Variants in GRM8 observed in about 807,000 individuals in gnomAD.
GRM8 encodes the protein glutamate metabotropic receptor 8.
Under a neutral mutation model 87.2 loss-of-function variants are expected in GRM8, and 47 were observed. That is an observed-to-expected ratio of 0.54 (90% confidence interval 0.43 to 0.69). GRM8 has a LOEUF of 0.69. Ranked by LOEUF, GRM8 falls within the 30% of genes least tolerant of loss-of-function variation. The pLI, the probability that GRM8 is intolerant of heterozygous loss-of-function variation, is 0.00. For synonymous variants in GRM8, 396 were observed against 404.5 expected (o/e 0.98, Z 0.25); for missense variants, 1,019 against 1,139.2 (o/e 0.89, Z 1.52).
chr7:127,135,026 A>T (rs1487429064), intron 2 of GRM8, among the ~76,000 whole-genome samples: 1 of 152,156 alleles, frequency 6.6e-6, no homozygotes, highest in Non-Finnish European at 1.5e-5. Flanking sequence ...CTAAAAAATG[A>T]TGTGTTAAAT....
chr7:126,607,602 A>G (rs1241359856), intron 8 of GRM8, among the ~76,000 whole-genome samples: 3 of 152,216 alleles, frequency 2.0e-5, no homozygotes, highest in Admixed American at 2.0e-4. Context: ...AGAGTGAATT[A>G]CACATTAAAA....
chr7:126,949,329 C>T (rs1231386575), intron 3 of GRM8, among the ~76,000 whole-genome samples: 1 of 152,106 alleles, frequency 6.6e-6, no homozygotes, highest in East Asian at 1.9e-4. Context: ...AAGGCCTCTT[C>T]CCTGATCCAC....
At chr7:127,092,774 C>G (rs1824273804) in intron 3 of GRM8, among the ~76,000 whole-genome samples, 1 of 152,166 alleles carries the variant, frequency 6.6e-6, no homozygotes, top group Admixed American at 6.5e-5. Context: ...TGCACGGATT[C>G]CAGGCTGTGA....
intron 6 of GRM8, among the ~76,000 whole-genome samples, chr7:126,791,889 C>A (rs924727678): frequency 6.6e-6 from 1 of 152,194 alleles, no homozygotes; most frequent in Non-Finnish European, 1.5e-5. Context: ...GAGACAGATA[C>A]ACCAAACAGG....
At chr7:127,018,569 C>G (rs1054908017) in intron 3 of GRM8, among the ~76,000 whole-genome samples, 1 of 151,844 alleles carries the variant, frequency 6.6e-6, no homozygotes, top group African/African-American at 2.4e-5. Context: ...ACTAACAGAA[C>G]CCCACATTTT....
chr7:126,980,356 T>C lies in GRM8; in HGVS notation c.728-75673A>G, dbSNP rs148136784. ...AGCTATGAATTTCAGTATTAGTTTG[T>C]ATCATTTTTAGCTTCATGGTAACAA... is the stretch of plus-strand genomic sequence containing the variant. On this transcript the variant is annotated intron_variant, in intron 3 of 10. Transcript: ENST00000339582. 1.8e-3 allele frequency among the ~76,000 whole-genome samples: 271 copies of C among 152,350 alleles called. 1 individual carries two copies. The highest frequency in any genetic ancestry group is 6.2e-3 in the African/African-American group (259 of 41,582).
intron 2 of GRM8, among the ~76,000 whole-genome samples, chr7:127,124,636 C>G (rs1827261810): frequency 6.6e-6 from 1 of 152,136 alleles, no homozygotes; most frequent in Non-Finnish European, 1.5e-5. Flanking sequence ...TCAACTCAGA[C>G]TTCTCTAAAA....
At chr7:126,590,062 C>A (rs573091327) in intron 8 of GRM8, among the ~76,000 whole-genome samples, 1 of 151,308 alleles carries the variant, frequency 6.6e-6, no homozygotes, top group East Asian at 2.0e-4. Flanking sequence ...ATTCAGAAGG[C>A]CAATTATTAA....
At chr7:126,445,792 A>C (rs1801950953) in intron 10 of GRM8, among the ~76,000 whole-genome samples, 1 of 152,074 alleles carries the variant, frequency 6.6e-6, no homozygotes. Flanking sequence ...GAACAAGAAA[A>C]ATTGTGGAAT....
intron 3 of GRM8, among the ~76,000 whole-genome samples, chr7:126,936,158 T>C (rs1806294593): frequency 6.6e-6 from 1 of 152,194 alleles, no homozygotes; most frequent in Non-Finnish European, 1.5e-5. Context: ...TAAAGTATAA[T>C]GTGGTTGGCT....
intron 8 of GRM8, among the ~76,000 whole-genome samples, chr7:126,537,705 AG>A (rs143761562): frequency 6.1e-4 from 93 of 152,174 alleles, no homozygotes; most frequent in Non-Finnish European, 1.0e-3. Context: ...TGAACCCGGG[AG>A]GCGGAGCTTG....
At chr7:126,560,093 C>T (rs1457803566) in intron 8 of GRM8, among the ~76,000 whole-genome samples, 2 of 152,190 alleles carry the variant, frequency 1.3e-5, no homozygotes, top group African/African-American at 4.8e-5. Context: ...ACAACCTGTG[C>T]TGCCTTTGCT....
intron 2 of GRM8, among the ~76,000 whole-genome samples, chr7:127,167,423 G>T (rs572974233): frequency 6.6e-6 from 1 of 152,066 alleles, no homozygotes; most frequent in Admixed American, 6.6e-5. Flanking sequence ...ACAGGCATAC[G>T]TTTTATTGCA....
At chr7:126,859,268 G>C (rs937624268) in intron 6 of GRM8, among the ~76,000 whole-genome samples, 3 of 152,182 alleles carry the variant, frequency 2.0e-5, no homozygotes, top group Admixed American at 1.3e-4. Flanking sequence ...AACGTGAATA[G>C]ATAAAAGTTG....
chr7:127,004,023 AG>A (rs2132052890), intron 3 of GRM8, among the ~76,000 whole-genome samples: 1 of 151,850 alleles, frequency 6.6e-6, no homozygotes, highest in African/African-American at 2.4e-5. Flanking sequence ...CTTCATTCTC[AG>A]TAAATTTTTT....
At position 127,237,561 on chromosome 7, in the gene GRM8, T is replaced by C. The variant is rs182104636; in HGVS notation, c.510+5134A>G. Among the ~76,000 whole-genome samples, 250 of 152,344 alleles carry C rather than the reference T, an allele frequency of 1.6e-3. 1 individual carries two copies. The highest frequency in any genetic ancestry group is 6.8e-3 in the Middle Eastern group (2 of 294). The stretch of plus-strand genomic sequence containing the variant: ...CAGGGAAACAAGCTGCTTCTCAGTA[T>C]TTCATTGACTTCACATGAAGATCAA... On this transcript the variant is annotated intron_variant, in intron 2 of 10. Transcript: ENST00000339582.
chr7:126,568,906 A>G (rs1224221270), intron 8 of GRM8, among the ~76,000 whole-genome samples: 1 of 152,160 alleles, frequency 6.6e-6, no homozygotes, highest in African/African-American at 2.4e-5. Flanking sequence ...CTGAGCAACT[A>G]TAAAATCACT....
chr7:126,688,788 G>A (rs1808460308), intron 7 of GRM8, among the ~76,000 whole-genome samples: 1 of 144,904 alleles, frequency 6.9e-6, no homozygotes, highest in South Asian at 2.1e-4. Flanking sequence ...AGTGTCTATG[G>A]CATGTAATGC....
intron 2 of GRM8, among the ~76,000 whole-genome samples, chr7:127,190,005 G>A (rs946350044): frequency 6.6e-6 from 1 of 152,174 alleles, no homozygotes; most frequent in Non-Finnish European, 1.5e-5. Flanking sequence ...TTTATGCCTG[G>A]GCCAGCTGAG....
Sources: gnomAD v4.1 joint callset for allele counts (sites outside exome capture counted in the v4.1 genomes callset) on GRCh38, gnomAD v4.1.1 for gene constraint, MANE v1.5 for transcripts, NCBI Gene and HGNC (gene_info 2026-07-23, HGNC 2026-07-21) for gene names.